Variants in IGSF11 observed in about 807,000 individuals in gnomAD.
The protein encoded by IGSF11 is CXADR like 1.
A neutral mutation model predicts 41.0 loss-of-function variants in IGSF11; 22 were observed. That is an observed-to-expected ratio of 0.54 (90% CI 0.38 to 0.77). IGSF11 has a LOEUF of 0.77. IGSF11 is among the 30% of genes least tolerant of loss of function. IGSF11 has a pLI of 0.00. For synonymous variants in IGSF11, 219 were observed against 201.3 expected (o/e 1.09, Z -0.74); for missense variants, 444 against 530.8 (o/e 0.84, Z 1.61).
At chr3:119,039,240 C>A (rs1023353531), upstream of IGSF11, among the ~76,000 whole-genome samples, 6 of 152,316 alleles carry the variant, frequency 3.9e-5, 1 homozygote, top group East Asian at 3.9e-4. Flanking sequence ...TAAAATGATT[C>A]TCAGTAGACT....
At chr3:119,137,266 G>A (rs1488641547) in intron 1 of IGSF11, among the ~76,000 whole-genome samples, 3 of 151,742 alleles carry the variant, frequency 2.0e-5, no homozygotes, top group African/African-American at 7.3e-5. Context: ...AATAGCCAAA[G>A]CTATCCTAAG....
chr3:118,934,596 T>C (rs1466214154), intron 1 of IGSF11, among the ~76,000 whole-genome samples: 1 of 152,208 alleles, frequency 6.6e-6, no homozygotes, highest in Non-Finnish European at 1.5e-5. Flanking sequence ...TTATATCCAA[T>C]TGCCTCCTAG....
intron 4 of IGSF11, among the ~76,000 whole-genome samples, chr3:118,925,481 T>C (rs143626196): frequency 1.3e-3 from 201 of 152,316 alleles, no homozygotes; most frequent in African/African-American, 3.7e-3. Flanking sequence ...AAATTCTATA[T>C]CTTCCCCTCA....
intron 1 of IGSF11, among the ~76,000 whole-genome samples, chr3:118,946,408 T>C (rs761194530): frequency 1.3e-5 from 2 of 151,364 alleles, no homozygotes; most frequent in Non-Finnish European, 2.9e-5. Flanking sequence ...TATAGCACTT[T>C]ACAACAGATT....
At chr3:119,041,853 T>C (rs542597811) in intron 1 of IGSF11, among the ~76,000 whole-genome samples, 47 of 152,262 alleles carry the variant, frequency 3.1e-4, no homozygotes, top group Non-Finnish European at 5.1e-4. Context: ...TATCAGCAGA[T>C]TTCACCAAAT....
intron 1 of IGSF11, among the ~76,000 whole-genome samples, chr3:118,933,687 C>G (rs1333516692): frequency 6.6e-6 from 1 of 152,126 alleles, no homozygotes; most frequent in Non-Finnish European, 1.5e-5. Context: ...ACACTTACTA[C>G]TACACATAAC....
chr3:118,917,682 G>A lies in IGSF11; in HGVS notation c.580+8419C>T, dbSNP rs1224132518. Reference sequence around the variant, plus strand: ...CAGCCGAATTCTACCAGAGGTACAAGGAGGAACTGGTACCATTCCTTCTGA... The same window carrying A: ...CAGCCGAATTCTACCAGAGGTACAAAGAGGAACTGGTACCATTCCTTCTGA... On this transcript the variant is annotated intron_variant, in intron 4 of 6. Coordinates refer to ENST00000393775, the MANE Select transcript of IGSF11 (RefSeq NM_001015887.3). Among the ~76,000 whole-genome samples the A allele has an allele frequency of 1.9e-4, 25 of 131,744 alleles. 1 individual carries two copies. Among genetic ancestry groups the A allele is most frequent in the Non-Finnish European group, 3.2e-4 (20 of 62,874 alleles). The allele number at this position is 131,744 out of a possible 152,430, so 86.4% of individuals were successfully genotyped here.
At chr3:119,094,633 T>G (rs1219915725) in intron 1 of IGSF11, among the ~76,000 whole-genome samples, 1 of 150,160 alleles carries the variant, frequency 6.7e-6, no homozygotes, top group Non-Finnish European at 1.5e-5. Context: ...CAAAGTAGGG[T>G]AGGTGAACAA....
At chr3:119,008,648 G>A (rs148408786) in intron 1 of IGSF11, among the ~76,000 whole-genome samples, 1 of 152,254 alleles carries the variant, frequency 6.6e-6, no homozygotes, top group African/African-American at 2.4e-5. Flanking sequence ...CCTGAATTAG[G>A]GTATAATCTC....
chr3:119,058,194 A>G (rs925602058), intron 1 of IGSF11, among the ~76,000 whole-genome samples: 4 of 151,998 alleles, frequency 2.6e-5, no homozygotes, highest in African/African-American at 7.2e-5. Flanking sequence ...GCAACCTACA[A>G]AATGGGAGAA....
At chr3:118,924,462 G>T (rs1386088270) in intron 4 of IGSF11, among the ~76,000 whole-genome samples, 1 of 152,038 alleles carries the variant, frequency 6.6e-6, no homozygotes, top group Non-Finnish European at 1.5e-5. Context: ...GATAAATTTA[G>T]ATTAAAAATA....
At chr3:119,120,573 A>C (rs1179306444) in intron 1 of IGSF11, among the ~76,000 whole-genome samples, 1 of 152,240 alleles carries the variant, frequency 6.6e-6, no homozygotes, top group Non-Finnish European at 1.5e-5. Flanking sequence ...GAAGGTGGTG[A>C]TTGATCTACA....
intron 1 of IGSF11, chr3:119,105,068 G>A: frequency 2.2e-6 from 2 of 898,888 alleles, no homozygotes; most frequent in Non-Finnish European, 3.6e-6. Context: ...ATCACAAAAA[G>A]CCTTTCACTC....
intron 3 of IGSF11, 50 bp downstream of exon 3, chr3:118,928,459 G>A (rs767666773): frequency 4.2e-6 from 6 of 1,438,612 alleles, no homozygotes; most frequent in South Asian, 2.3e-5. Flanking sequence ...ATGCTTGAGA[G>A]TAGCTTCGTG....
intron 1 of IGSF11, among the ~76,000 whole-genome samples, chr3:118,978,468 C>T (rs887399550): frequency 2.0e-5 from 3 of 152,190 alleles, no homozygotes; most frequent in African/African-American, 7.2e-5. Context: ...CTCAACAATC[C>T]ACCTGGAGGC....
At chr3:119,047,810 G>A (rs1383697596) in intron 1 of IGSF11, among the ~76,000 whole-genome samples, 5 of 152,126 alleles carry the variant, frequency 3.3e-5, no homozygotes, top group South Asian at 2.1e-4. Flanking sequence ...TCAGACCACA[G>A]TGCAATCAAA....
intron 2 of IGSF11, among the ~76,000 whole-genome samples, chr3:118,929,048 T>C (rs1942614222): frequency 6.6e-6 from 1 of 152,182 alleles, no homozygotes; most frequent in Non-Finnish European, 1.5e-5. Context: ...TAAAAAATAT[T>C]AGCACTGCCA....
At chr3:119,048,461 T>C (rs2107426738) in intron 1 of IGSF11, among the ~76,000 whole-genome samples, 1 of 152,254 alleles carries the variant, frequency 6.6e-6, no homozygotes, top group African/African-American at 2.4e-5. Flanking sequence ...AAGGTGAATC[T>C]CTGAATAAAC....
At chr3:118,990,511 G>A (rs1041852539) in intron 1 of IGSF11, among the ~76,000 whole-genome samples, 1 of 152,156 alleles carries the variant, frequency 6.6e-6, no homozygotes, top group Non-Finnish European at 1.5e-5. Flanking sequence ...CTGAGAGATA[G>A]GAGATAGACC....
Sources: gnomAD v4.1 joint callset for allele counts (sites outside exome capture counted in the v4.1 genomes callset) on GRCh38, gnomAD v4.1.1 for gene constraint, MANE v1.5 for transcripts, NCBI Gene and HGNC (gene_info 2026-07-23, HGNC 2026-07-21) for gene names.